Variants in AP3B1 observed in about 807,000 individuals in gnomAD.
AP3B1 encodes adaptor related protein complex 3 subunit beta 1.
In AP3B1, 61 loss-of-function variants were observed where a neutral mutation model predicts 132.5. The observed-to-expected ratio is 0.46, with a 90% CI of 0.37 to 0.57. AP3B1 has a LOEUF of 0.57. Among genes scored for constraint, AP3B1 ranks in the 20% least tolerant of loss-of-function variants. The probability of loss-of-function intolerance (pLI) is 0.00; values close to 1 mark genes in which losing one functional copy is unlikely to be tolerated. For synonymous variants in AP3B1, 388 were observed against 438.3 expected (o/e 0.89, Z 1.43); for missense variants, 1,120 against 1,289.4 (o/e 0.87, Z 2.01).
At chr5:78,213,028 C>T (rs1218452665) in intron 7 of AP3B1, among the ~76,000 whole-genome samples, 1 of 152,108 alleles carries the variant, frequency 6.6e-6, no homozygotes, top group African/African-American at 2.4e-5. Context: ...CAGGTGCCCG[C>T]CACCGTGCCC....
intron 25 of AP3B1, among the ~76,000 whole-genome samples, chr5:78,018,811 A>G (rs1746968833): frequency 6.6e-6 from 1 of 152,082 alleles, no homozygotes; most frequent in African/African-American, 2.4e-5. Flanking sequence ...ATTTCTAGGT[A>G]TCTTTTGTGG....
rs79207234 is a variant in AP3B1 at position 78,159,278 on chromosome 5, T to G, written c.1364-2911A>C. The stretch of plus-strand genomic sequence containing the variant: ...CAAGCAGACGCAGGATTGGCTACAG[T>G]TGAAATATGCGTTTGGCATCATTTA... On this transcript the variant is annotated intron_variant, in intron 13 of 26. Coordinates refer to ENST00000255194, the MANE Select transcript of AP3B1 (RefSeq NM_003664.5). Among the ~76,000 whole-genome samples the G allele has an allele frequency of 1.7e-4, 26 of 152,344 alleles. No homozygotes were observed. The East Asian group carries it at 4.8e-3, about 28-fold the overall frequency.
chr5:78,043,881 C>G, intron 22 of AP3B1: 1 of 355,536 alleles, frequency 2.8e-6, no homozygotes, highest in Non-Finnish European at 5.5e-6. Flanking sequence ...CAAGGCTGAT[C>G]TCCTAATTTG....
At chr5:78,290,342 C>T (rs1749459458) in intron 1 of AP3B1, among the ~76,000 whole-genome samples, 1 of 150,714 alleles carries the variant, frequency 6.6e-6, no homozygotes, top group East Asian at 1.9e-4. Flanking sequence ...CTGCCTGGGC[C>T]TCCCAAAATG....
At chr5:78,272,266 C>G (rs1453179755) in intron 1 of AP3B1, among the ~76,000 whole-genome samples, 1 of 149,856 alleles carries the variant, frequency 6.7e-6, no homozygotes, top group Non-Finnish European at 1.5e-5. Context: ...CTCACATGTA[C>G]TAACTGATGT....
chr5:78,253,721 CTTTGGGAG>C (rs1228217235), intron 2 of AP3B1, among the ~76,000 whole-genome samples: 2 of 152,124 alleles, frequency 1.3e-5, no homozygotes, highest in Non-Finnish European at 2.9e-5. Context: ...AATCCCAGCA[CTTTGGGAG>C]GCTGAGGTAG....
chr5:78,128,211 CA>C (rs1561426886), intron 16 of AP3B1, 51 bp from the exon 17 acceptor site: 1 of 1,449,846 alleles, frequency 6.9e-7, no homozygotes, highest in East Asian at 2.5e-5. Context: ...CTGTATATAA[CA>C]GAGAACAATC....
intron 21 of AP3B1, among the ~76,000 whole-genome samples, chr5:78,099,819 G>C (rs1207190636): frequency 1.3e-5 from 2 of 152,032 alleles, no homozygotes; most frequent in African/African-American, 4.8e-5. Context: ...AACCCAGAAG[G>C]TGGAGGTTGC....
At chr5:78,026,548 T>C (rs1747348721) in intron 24 of AP3B1, among the ~76,000 whole-genome samples, 1 of 152,204 alleles carries the variant, frequency 6.6e-6, no homozygotes, top group Non-Finnish European at 1.5e-5. Flanking sequence ...ACATATGTAA[T>C]AGGGATATAT....
At chr5:78,100,286 A>G (rs1295034742) in intron 21 of AP3B1, among the ~76,000 whole-genome samples, 5 of 152,224 alleles carry the variant, frequency 3.3e-5, no homozygotes. Flanking sequence ...TAGTAGTTTA[A>G]TATTCATGAA....
Position 78,204,886 on chromosome 5 carries a change from C to T in AP3B1, c.786+11169G>A, listed in dbSNP as rs146571091. On this transcript the variant is annotated intron_variant, in intron 7 of 26. Coordinates refer to ENST00000255194, the MANE Select transcript of AP3B1 (RefSeq NM_003664.5). ...TAAATGTTTGAATGGTTGCTGTAAA[C>T]CTTTGACTATTTTCTGAATTCAAAA... 1.0e-3 allele frequency among the ~76,000 whole-genome samples: 159 copies of T among 152,174 alleles called. 1 individual carries two copies. Among genetic ancestry groups the T allele is most frequent in the African/African-American group, 3.7e-3 (155 of 41,520 alleles).
At chr5:78,104,371 C>G (rs149875543) in intron 20 of AP3B1, among the ~76,000 whole-genome samples, 1 of 152,078 alleles carries the variant, frequency 6.6e-6, no homozygotes, top group African/African-American at 2.4e-5. Context: ...TAGAGTACGC[C>G]TACTTCAATA....
chr5:78,228,264 A>G (rs772122522), intron 3 of AP3B1, 25 bp from the exon 4 acceptor site: 5 of 1,563,852 alleles, frequency 3.2e-6, no homozygotes, highest in Non-Finnish European at 4.4e-6. Context: ...TCATTTATTC[A>G]TAACCAGAGT....
chr5:78,272,049 G>A (rs539961631), intron 1 of AP3B1, among the ~76,000 whole-genome samples: 1 of 152,146 alleles, frequency 6.6e-6, no homozygotes, highest in Non-Finnish European at 1.5e-5. Context: ...TGTCTCTAAA[G>A]GCAGCCACCT....
At chr5:78,129,732 C>T (rs552208272) in intron 15 of AP3B1, among the ~76,000 whole-genome samples, 1 of 152,226 alleles carries the variant, frequency 6.6e-6, no homozygotes, top group African/African-American at 2.4e-5. Context: ...AACTGCTTCT[C>T]CTGAGGTGTG....
At chr5:78,230,150 A>G (rs754609823) in intron 3 of AP3B1, among the ~76,000 whole-genome samples, 2 of 152,226 alleles carry the variant, frequency 1.3e-5, no homozygotes, top group Non-Finnish European at 2.9e-5. Context: ...ACTGCTGACC[A>G]AATCAAAATC....
At chr5:78,260,311 G>A (rs1748032453) in intron 2 of AP3B1, among the ~76,000 whole-genome samples, 1 of 152,040 alleles carries the variant, frequency 6.6e-6, no homozygotes. Flanking sequence ...GAGGGGCCGG[G>A]CGTGGTGGCT....
Position 78,019,120 on chromosome 5 carries a change from C to T in AP3B1, c.2992+1572G>A, listed in dbSNP as rs79716939. Among the ~76,000 whole-genome samples the T allele has an allele frequency of 9.4e-3, 1,434 of 152,178 alleles. 33 individuals carry two copies. The highest frequency in any genetic ancestry group is 0.032 in the African/African-American group (1,317 of 41,536). ...TTTCTGCTCTATTAAACATAGCAAACAGCTGCCAGATTTATTCAGACAAAT... is the reference window on the plus strand; with the variant it reads ...TTTCTGCTCTATTAAACATAGCAAATAGCTGCCAGATTTATTCAGACAAAT... On this transcript the variant is annotated intron_variant, in intron 25 of 26. Coordinates refer to ENST00000255194, the MANE Select transcript of AP3B1 (RefSeq NM_003664.5).
At position 78,193,847 on chromosome 5, in the gene AP3B1, CG is replaced by C. The variant is rs943527715; in HGVS notation, c.787-12186del. Among the ~76,000 whole-genome samples the C allele has an allele frequency of 3.4e-5, 5 of 148,658 alleles. No individual in the cohort carries two copies. In the Admixed American group the frequency reaches 3.4e-4, roughly 10 times the overall value. On this transcript the variant is annotated intron_variant, in intron 7 of 26. Coordinates refer to ENST00000255194, the MANE Select transcript of AP3B1 (RefSeq NM_003664.5). ...CGTGATCTCGCTCACTGCAAGCTCC[CG>C]GGTTCACGCCATTCTCCTGCCTCAG...
Sources: allele counts gnomAD v4.1 joint callset (sites outside exome capture counted in the v4.1 genomes callset), GRCh38; gene constraint gnomAD v4.1.1; transcripts MANE v1.5; gene names NCBI Gene and HGNC (gene_info 2026-07-23, HGNC 2026-07-21).